The following PCDHA6 variants were observed in gnomAD, a reference collection of about 807,000 sequenced individuals.
PCDHA6 encodes protocadherin alpha 6, also known as protocadherin alpha-6.
PCDHA6 carries 55 observed loss-of-function variants against 60.3 expected under a neutral mutation model. The ratio of observed to expected loss-of-function variants is 0.91; its 90% CI spans 0.73 to 1.14. PCDHA6 has a LOEUF of 1.14. PCDHA6 is among the 50% of genes most tolerant of loss of function. The pLI, the probability that PCDHA6 is intolerant of heterozygous loss-of-function variation, is 0.00. For missense variants in PCDHA6, 1,327 were observed against 1,256.5 expected, an observed-to-expected ratio of 1.06 and a Z score of -0.85; for synonymous variants, 652 against 557.9, an observed-to-expected ratio of 1.17 and a Z score of -2.38.
At position 140,841,443 on chromosome 5, in the gene PCDHA6, A is replaced by G. The variant is rs2150315650; in HGVS notation, c.2394+10958A>G. 1.2e-6 allele frequency: 2 copies of G among 1,612,892 alleles called. 1 individual carries two copies. Among genetic ancestry groups the G allele is most frequent in the Non-Finnish European group, 1.7e-6 (2 of 1,179,848 alleles). On this transcript the variant is annotated intron_variant, in intron 1 of 3. Transcript: ENST00000529310. ...TACTCCGTCCCCGAGGAGGCCAAAC[A>G]CGGCACCTTCGTGGGCCGGATCGCG...
intron 1 of PCDHA6, chr5:140,969,506 G>A (rs1262259666): frequency 2.9e-5 from 41 of 1,426,940 alleles, no homozygotes; most frequent in Non-Finnish European, 3.6e-5. Context: ...TAGAAAAATA[G>A]CACTAAAGAA....
intron 1 of PCDHA6, chr5:140,856,383 C>A (rs1053203263): frequency 3.8e-6 from 6 of 1,598,432 alleles, no homozygotes; most frequent in Non-Finnish European, 5.1e-6. Flanking sequence ...GTGGACAGGC[C>A]GCTGCAGGTT....
intron 1 of PCDHA6, chr5:140,929,256 A>T (rs572411725): frequency 1.9e-6 from 3 of 1,613,220 alleles, no homozygotes; most frequent in Non-Finnish European, 2.5e-6. Context: ...CTGGGGTAGG[A>T]CTGAATTTGC....
intron 1 of PCDHA6, chr5:140,877,449 G>A: frequency 1.2e-6 from 2 of 1,613,848 alleles, no homozygotes; most frequent in Non-Finnish European, 1.7e-6. Flanking sequence ...AGCCCGCGCT[G>A]ACGTCCACGG....
In PCDHA6 at chr5:140,891,714, A is replaced by T. The variant is rs147881763; in HGVS notation, c.2394+61229A>T. On this transcript the variant is annotated intron_variant, in intron 1 of 3. Transcript: ENST00000529310. ...GCTGTTGTCTGAATTTGTACCCCCA[A>T]ATTCATGTGTTGAAAATTCAATCCC... Among the ~76,000 whole-genome samples the T allele has an allele frequency of 2.6e-5, 4 of 152,262 alleles. No individual in the cohort carries two copies. In the East Asian group the frequency reaches 5.8e-4, roughly 22 times the overall value.
chr5:140,879,989 C>T (rs1223310901), intron 1 of PCDHA6, among the ~76,000 whole-genome samples: 3 of 152,182 alleles, frequency 2.0e-5, no homozygotes, highest in African/African-American at 7.2e-5. Flanking sequence ...AGATCCTTAA[C>T]TTAATCATAT....
chr5:140,868,762 A>G (rs2050634437), intron 1 of PCDHA6: 1 of 233,926 alleles, frequency 4.3e-6, no homozygotes, highest in African/African-American at 2.3e-5. Flanking sequence ...ATATATATTT[A>G]GTTTCAATAT....
intron 3 of PCDHA6, among the ~76,000 whole-genome samples, chr5:141,005,701 CAAAAAAAAAA>C (rs59860837): frequency 9.0e-4 from 7 of 7,792 alleles, no homozygotes; most frequent in East Asian, 6.4e-3. Context: ...AACTCCGTCT[CAAAAAAAAAA>C]AAAAAAAAAA....
intron 3 of PCDHA6, among the ~76,000 whole-genome samples, chr5:140,982,814 A>G (rs1166333981): frequency 6.6e-6 from 1 of 151,580 alleles, no homozygotes; most frequent in Non-Finnish European, 1.5e-5. Context: ...TGTGTGTATG[A>G]AGTTTTTGGG....
intron 1 of PCDHA6, among the ~76,000 whole-genome samples, chr5:140,952,740 C>T (rs2094790841): frequency 1.3e-5 from 2 of 152,184 alleles, no homozygotes; most frequent in African/African-American, 2.4e-5. Flanking sequence ...TTTTCTCACA[C>T]TGCTATAAAA....
At chr5:140,860,807 G>C (rs907238053) in intron 1 of PCDHA6, 3 of 152,116 alleles carry the variant, frequency 2.0e-5, no homozygotes. Context: ...GCACGATCTC[G>C]GCTCACTGCA....
intron 1 of PCDHA6, among the ~76,000 whole-genome samples, chr5:140,916,847 C>G (rs1276107761): frequency 6.6e-6 from 1 of 152,116 alleles, no homozygotes; most frequent in Non-Finnish European, 1.5e-5. Flanking sequence ...GAGCCCAGCC[C>G]AGCACTAGGA....
chr5:140,980,695 G>A (rs1403740157), intron 2 of PCDHA6, among the ~76,000 whole-genome samples: 1 of 149,792 alleles, frequency 6.7e-6, no homozygotes, highest in Non-Finnish European at 1.5e-5. Context: ...AAAAAAAAAA[G>A]CCAAATGTGC....
chr5:140,973,606 G>T (rs1554235444), intron 1 of PCDHA6, among the ~76,000 whole-genome samples: 1 of 152,204 alleles, frequency 6.6e-6, no homozygotes, highest in African/African-American at 2.4e-5. Flanking sequence ...TTATGGCTGA[G>T]CTCTTCTCTG....
At chr5:140,946,540 T>G (rs1182532418) in intron 1 of PCDHA6, among the ~76,000 whole-genome samples, 1 of 150,344 alleles carries the variant, frequency 6.7e-6, no homozygotes, top group African/African-American at 2.5e-5. Context: ...CATTGCAGCA[T>G]TATTCATGAT....
intron 1 of PCDHA6, chr5:140,877,662 C>T: frequency 6.2e-7 from 1 of 1,613,558 alleles, no homozygotes; most frequent in Non-Finnish European, 8.5e-7. Context: ...CCACCGTGAG[C>T]CGGTGCGCGC....
intron 1 of PCDHA6, chr5:140,884,544 G>T: frequency 6.2e-7 from 1 of 1,614,222 alleles, no homozygotes; most frequent in South Asian, 1.1e-5. Flanking sequence ...CCGAGGGTGT[G>T]CTCTGGGGAG....
At chr5:140,863,157 C>A (rs782159779) in intron 1 of PCDHA6, 7 of 638,840 alleles carry the variant, frequency 1.1e-5, no homozygotes, top group South Asian at 5.4e-5. Flanking sequence ...AGGACCACTG[C>A]GAGCTGGCGC....
At chr5:140,963,237 G>A (rs782735845) in intron 1 of PCDHA6, among the ~76,000 whole-genome samples, 50 of 152,136 alleles carry the variant, frequency 3.3e-4, no homozygotes, top group Non-Finnish European at 6.2e-4. Flanking sequence ...CTGTTTGATG[G>A]ATTAGGTAGG....
Sources: allele counts gnomAD v4.1 joint callset (sites outside exome capture counted in the v4.1 genomes callset), GRCh38; gene constraint gnomAD v4.1.1; transcripts MANE v1.5; gene names NCBI Gene and HGNC (gene_info 2026-07-23, HGNC 2026-07-21).